The following MAML2 variants were observed in gnomAD, a reference collection of about 807,000 sequenced individuals.
MAML2 encodes mastermind like transcriptional coactivator 2.
In MAML2, 22 loss-of-function variants were observed where a neutral mutation model predicts 96.1. The ratio of observed to expected loss-of-function variants is 0.23; its 90% CI spans 0.16 to 0.33. MAML2 has a LOEUF of 0.33. MAML2 is among the 10% of genes least tolerant of loss of function. The probability of loss-of-function intolerance (pLI) is 1.00; values close to 1 mark genes in which losing one functional copy is unlikely to be tolerated. For synonymous variants in MAML2, 561 were observed against 521.3 expected (o/e 1.08, Z -1.04); for missense variants, 1,367 against 1,392.4 (o/e 0.98, Z 0.29).
chr11:96,115,863 A>G (rs10831486), intron 1 of MAML2, among the ~76,000 whole-genome samples: 38,993 of 152,072 alleles, frequency 0.26, 5,388 homozygotes, highest in Middle Eastern at 0.34. Flanking sequence ...TGAGAGGTGG[A>G]ATGGACCAAG....
intron 1 of MAML2, among the ~76,000 whole-genome samples, chr11:96,242,451 GCTGT>G (rs1195385454): frequency 6.6e-6 from 1 of 152,144 alleles, no homozygotes; most frequent in Non-Finnish European, 1.5e-5. Flanking sequence ...TTTCCTTAAG[GCTGT>G]AAATAAACCA....
intron 1 of MAML2, among the ~76,000 whole-genome samples, chr11:96,101,839 C>T (rs775224761): frequency 6.6e-6 from 1 of 152,172 alleles, no homozygotes; most frequent in Non-Finnish European, 1.5e-5. Flanking sequence ...TTCTCCTCAT[C>T]TGTAACACTG....
Position 96,134,298 on chromosome 11 carries a change from A to G in MAML2, c.514-40781T>C, listed in dbSNP as rs142318186. Among the ~76,000 whole-genome samples the G allele has an allele frequency of 3.8e-3, 577 of 152,352 alleles. 4 individuals carry two copies. Among genetic ancestry groups the G allele is most frequent in the South Asian group, 0.02 (98 of 4,830 alleles). ...ACCTATTGTGTTACTCACCACTACT[A>G]AAGTTCCAGGTAAGCAGGCACCACA... On this transcript the variant is annotated intron_variant, in intron 1 of 4. Coordinates refer to ENST00000524717, the MANE Select transcript of MAML2 (RefSeq NM_032427.4).
At chr11:96,164,082 G>T (rs1021198264) in intron 1 of MAML2, among the ~76,000 whole-genome samples, 5 of 151,666 alleles carry the variant, frequency 3.3e-5, no homozygotes, top group African/African-American at 1.2e-4. Context: ...CACCATGTTG[G>T]CCAAGCTGGT....
intron 2 of MAML2, among the ~76,000 whole-genome samples, chr11:96,055,691 CAG>C (rs1210795150): frequency 1.3e-5 from 2 of 152,120 alleles, no homozygotes; most frequent in African/African-American, 4.8e-5. Flanking sequence ...GAGGGAGAGA[CAG>C]AGACAAAGAA....
intron 1 of MAML2, among the ~76,000 whole-genome samples, chr11:96,232,527 T>C (rs1315506741): frequency 6.6e-6 from 1 of 151,918 alleles, no homozygotes; most frequent in Non-Finnish European, 1.5e-5. Context: ...TGGAGTGCAA[T>C]GGTGCGATCT....
chr11:96,301,191 C>T (rs1489674949), intron 1 of MAML2, among the ~76,000 whole-genome samples: 1 of 152,094 alleles, frequency 6.6e-6, no homozygotes, highest in East Asian at 1.9e-4. Context: ...ACACATACAC[C>T]CACATACACA....
At chr11:96,341,215 T>A (rs1000897580) in intron 1 of MAML2, among the ~76,000 whole-genome samples, 168 bp downstream of exon 1, 2 of 152,156 alleles carry the variant, frequency 1.3e-5, no homozygotes, top group African/African-American at 2.4e-5. Flanking sequence ...CAGAACATGA[T>A]GAGTAGGCGC....
intron 1 of MAML2, among the ~76,000 whole-genome samples, chr11:96,226,790 C>T (rs1862217095): frequency 1.3e-5 from 2 of 152,258 alleles, no homozygotes; most frequent in South Asian, 4.2e-4. Context: ...TAAAAATGCA[C>T]TTAAGTACCT....
intron 2 of MAML2, among the ~76,000 whole-genome samples, chr11:96,082,742 G>A (rs1859547122): frequency 6.6e-6 from 1 of 152,306 alleles, no homozygotes; most frequent in African/African-American, 2.4e-5. Flanking sequence ...CCATCTGGAG[G>A]GACAAGGTAG....
intron 2 of MAML2, among the ~76,000 whole-genome samples, chr11:96,044,638 C>T (rs1394307354): frequency 6.6e-6 from 1 of 151,064 alleles, no homozygotes; most frequent in African/African-American, 2.4e-5. Flanking sequence ...AGGATTGTGA[C>T]TGCAAGCCAG....
intron 1 of MAML2, among the ~76,000 whole-genome samples, chr11:96,262,344 T>G (rs1051517972): frequency 6.6e-6 from 1 of 152,236 alleles, no homozygotes; most frequent in African/African-American, 2.4e-5. Flanking sequence ...TATTATTTAT[T>G]GTATAAATAA....
intron 1 of MAML2, among the ~76,000 whole-genome samples, chr11:96,127,406 C>T (rs1860465894): frequency 6.6e-6 from 1 of 152,124 alleles, no homozygotes; most frequent in Admixed American, 6.5e-5. Flanking sequence ...TGGAGAGTTG[C>T]CATAGTTACC....
intron 1 of MAML2, among the ~76,000 whole-genome samples, chr11:96,218,971 C>T (rs1012273670): frequency 6.6e-6 from 1 of 152,188 alleles, no homozygotes; most frequent in Non-Finnish European, 1.5e-5. Context: ...AGTACATTAT[C>T]TCCAGATTGT....
At chr11:96,121,393 G>A (rs569414465) in intron 1 of MAML2, among the ~76,000 whole-genome samples, 3 of 152,288 alleles carry the variant, frequency 2.0e-5, no homozygotes, top group Middle Eastern at 3.4e-3. Flanking sequence ...AAGGAGACAT[G>A]ATTCCCCAGT....
At chr11:96,171,004 A>G (rs113364254) in intron 1 of MAML2, among the ~76,000 whole-genome samples, 10,865 of 150,762 alleles carry the variant, frequency 0.072, 474 homozygotes, top group Non-Finnish European at 0.098. Context: ...GCGTGAGCCA[A>G]CGTGCCTGGC....
intron 1 of MAML2, among the ~76,000 whole-genome samples, chr11:96,288,923 T>G (rs1215466271): frequency 6.6e-6 from 1 of 152,232 alleles, no homozygotes. Flanking sequence ...TGTTGAATTT[T>G]TAATATGTAT....
intron 1 of MAML2, among the ~76,000 whole-genome samples, chr11:96,143,198 G>A (rs973055111): frequency 8.5e-5 from 13 of 152,158 alleles, no homozygotes; most frequent in Admixed American, 5.9e-4. Flanking sequence ...GTTCACTGCC[G>A]TTTGCCAATA....
intron 1 of MAML2, among the ~76,000 whole-genome samples, chr11:96,301,193 A>G (rs1207192871): frequency 6.6e-6 from 1 of 152,212 alleles, no homozygotes; most frequent in Admixed American, 6.5e-5. Flanking sequence ...ACATACACCC[A>G]CATACACAGA....
Sources: allele counts gnomAD v4.1 joint callset (sites outside exome capture counted in the v4.1 genomes callset), GRCh38; gene constraint gnomAD v4.1.1; transcripts MANE v1.5; gene names NCBI Gene and HGNC (gene_info 2026-07-23, HGNC 2026-07-21).